CLASP2: variants seen among roughly 807,000 people sequenced by gnomAD.
CLASP2 encodes CLIP-associating protein 2.
Under a neutral mutation model 194.4 loss-of-function variants are expected in CLASP2, and 47 were observed. The ratio of observed to expected loss-of-function variants is 0.24; its 90% CI spans 0.19 to 0.31. The LOEUF is 0.31. Ranked by LOEUF, CLASP2 falls within the 10% of genes least tolerant of loss-of-function variation. CLASP2 has a pLI of 1.00. For synonymous variants in CLASP2, 619 were observed against 633.5 expected, an observed-to-expected ratio of 0.98 and a Z score of 0.34; for missense variants, 1,445 against 1,823.6, an observed-to-expected ratio of 0.79 and a Z score of 3.78.
chr3:33,659,438 C>A, intron 7 of CLASP2: 1 of 991,706 alleles, frequency 1.0e-6, no homozygotes, highest in Non-Finnish European at 1.2e-6. Context: ...TAATCAGTAG[C>A]AATCACATGA....
At chr3:33,565,427 C>T (rs1285009595) in intron 27 of CLASP2, among the ~76,000 whole-genome samples, 2 of 152,114 alleles carry the variant, frequency 1.3e-5, no homozygotes, top group Non-Finnish European at 2.9e-5. Context: ...GCGATCTGCC[C>T]ACCTCAGCCT....
At chr3:33,530,338 C>T (rs1477175513) in intron 34 of CLASP2, among the ~76,000 whole-genome samples, 1 of 151,934 alleles carries the variant, frequency 6.6e-6, no homozygotes, top group Non-Finnish European at 1.5e-5. Context: ...GGCATGGTGG[C>T]GTGTACCTGT....
chr3:33,555,059 G>T (rs2060684050), intron 29 of CLASP2, among the ~76,000 whole-genome samples: 1 of 150,948 alleles, frequency 6.6e-6, no homozygotes, highest in Non-Finnish European at 1.5e-5. Flanking sequence ...TTTGAAAATT[G>T]ATAAAAGAGT....
chr3:33,540,232 A>ATTTTTT, intron 32 of CLASP2, among the ~76,000 whole-genome samples: 1 of 122,096 alleles, frequency 8.2e-6, no homozygotes, highest in African/African-American at 3.2e-5. Context: ...GACTGGCCAA[A>ATTTTTT]TTTTTTTTTT....
chr3:33,499,495 G>A (rs924013738), intron 38 of CLASP2, among the ~76,000 whole-genome samples: 3 of 151,490 alleles, frequency 2.0e-5, no homozygotes, highest in South Asian at 2.1e-4. Flanking sequence ...GACTACAGGC[G>A]CCTGTCACCA....
At chr3:33,540,167 TG>T (rs1238286487) in intron 32 of CLASP2, among the ~76,000 whole-genome samples, 1 of 151,564 alleles carries the variant, frequency 6.6e-6, no homozygotes, top group Non-Finnish European at 1.5e-5. Context: ...TGACCTCAGG[TG>T]ATCTGCCCAC....
rs755685956 is a variant in CLASP2 at position 33,543,428 on chromosome 3, A to G, written c.3404+5T>C. The G allele has an allele frequency of 1.3e-6, 2 of 1,506,528 alleles. No individual in the cohort carries two copies. Among genetic ancestry groups the G allele is most frequent in the Non-Finnish European group, 1.8e-6 (2 of 1,082,236 alleles). The allele number at this position is 1,506,528 out of a possible 1,614,324, so 93.3% of individuals were successfully genotyped here. A position where few individuals can be genotyped will look rare whatever the true frequency, so the allele number is the denominator to read the frequency against. On this transcript the variant is annotated splice_donor_5th_base_variant and intron_variant, in intron 32 of 38. Coordinates refer to ENST00000682230, the MANE Select transcript of CLASP2 (RefSeq NM_001365631.1). ...AACCATCATGAAAAATCATCCTTTT[A>G]TTACCTTGGAGATAAAGTATTCTGT...
intron 20 of CLASP2, 44 bp from the exon 21 acceptor site, chr3:33,592,540 A>C: frequency 7.2e-7 from 1 of 1,389,468 alleles, no homozygotes; most frequent in South Asian, 1.3e-5. Context: ...TTTTTCTATA[A>C]TAATGTTTAA....
intron 23 of CLASP2, among the ~76,000 whole-genome samples, chr3:33,580,415 T>C (rs1487528818): frequency 6.6e-6 from 1 of 151,906 alleles, no homozygotes; most frequent in African/African-American, 2.4e-5. Flanking sequence ...ATAGAAAAAT[T>C]AGCTGGGTGT....
chr3:33,560,733 C>G, intron 28 of CLASP2, 75 bp downstream of exon 28: 1 of 1,316,462 alleles, frequency 7.6e-7, no homozygotes, highest in Non-Finnish European at 1.1e-6. Flanking sequence ...ACCCAGAAAT[C>G]TGAACTATTA....
intron 1 of CLASP2, among the ~76,000 whole-genome samples, chr3:33,707,014 C>T (rs1363855833): frequency 6.6e-6 from 1 of 152,044 alleles, no homozygotes. Flanking sequence ...TAACTCTGTC[C>T]ATTGAATAAA....
At chr3:33,564,366 C>T (rs1423149328) in intron 27 of CLASP2, among the ~76,000 whole-genome samples, 3 of 152,160 alleles carry the variant, frequency 2.0e-5, no homozygotes, top group Non-Finnish European at 4.4e-5. Flanking sequence ...TCTCCCACTT[C>T]TTTTTCTGGA....
intron 38 of CLASP2, among the ~76,000 whole-genome samples, chr3:33,499,435 CA>C (rs1482852339): frequency 6.6e-6 from 1 of 151,244 alleles, no homozygotes; most frequent in African/African-American, 2.4e-5. Context: ...CTGCAAGCTC[CA>C]CCTCCCAGGT....
intron 34 of CLASP2, among the ~76,000 whole-genome samples, chr3:33,526,632 G>A (rs1353773425): frequency 6.6e-6 from 1 of 152,066 alleles, no homozygotes. Flanking sequence ...AAATGGATCT[G>A]ACAGACCTTT....
chr3:33,611,617 T>C (rs1165096707), intron 13 of CLASP2, among the ~76,000 whole-genome samples: 2 of 152,234 alleles, frequency 1.3e-5, no homozygotes, highest in East Asian at 1.9e-4. Context: ...TTCTACGGGG[T>C]TGACATTATT....
At position 33,717,947 on chromosome 3, in the gene CLASP2, C is replaced by T. The variant is rs1426417222; in HGVS notation, c.56G>A (p.Gly19Asp). ...FCAQVQQKDVGGRLQVGQELL... is the reference protein window; with the variant it reads ...FCAQVQQKDVDGRLQVGQELL... Reference sequence around the variant, plus strand: ...CTCCTGGCCGACCTGCAGCCGGCCGCCGACGTCCTTCTGCTGCACCTGGGC... The same window carrying T: ...CTCCTGGCCGACCTGCAGCCGGCCGTCGACGTCCTTCTGCTGCACCTGGGC... The change falls in exon 1 of 39, where the codon GGC becomes GAC. Residue 19 changes from glycine (G) to aspartate (D), a missense_variant. Gly to Asp is a moderately conservative substitution (Grantham distance 94). This residue lies in a region of CLASP2 where 332 missense variants were observed against 325.3 expected (regional missense o/e 1.02). Coordinates refer to ENST00000682230, the MANE Select transcript of CLASP2 (RefSeq NM_001365631.1). 1.3e-6 allele frequency: 2 copies of T among 1,546,350 alleles called. No individual in the cohort carries two copies. The highest frequency in any genetic ancestry group is 2.4e-5 in the East Asian group (1 of 40,926).
intron 7 of CLASP2, chr3:33,645,406 C>A: frequency 1.3e-6 from 1 of 741,770 alleles, no homozygotes; most frequent in Non-Finnish European, 2.4e-6. Flanking sequence ...ATCAAAGATT[C>A]TATCAAAAAA....
chr3:33,592,288 T>G, intron 21 of CLASP2, 107 bp downstream of exon 21: 1 of 829,404 alleles, frequency 1.2e-6, no homozygotes, highest in Admixed American at 2.0e-5. Flanking sequence ...TTTTTTAAAT[T>G]AGCTTTGTCT....
chr3:33,542,108 C>T (rs932805276), intron 32 of CLASP2, among the ~76,000 whole-genome samples: 7 of 151,912 alleles, frequency 4.6e-5, no homozygotes, highest in African/African-American at 1.5e-4. Flanking sequence ...AACTTCTATG[C>T]AAATAATTTT....
Sources: allele counts gnomAD v4.1 joint callset (sites outside exome capture counted in the v4.1 genomes callset), GRCh38; gene constraint gnomAD v4.1.1; regional missense constraint gnomAD v4.1.1; transcripts MANE v1.5; gene names NCBI Gene and HGNC (gene_info 2026-07-23, HGNC 2026-07-21).